The following UNC13C variants were observed in gnomAD, a reference collection of about 807,000 sequenced individuals.
UNC13C encodes the protein unc-13 homolog C.
A neutral mutation model predicts 245.4 loss-of-function variants in UNC13C; 174 were observed. That is an observed-to-expected ratio of 0.71 (90% confidence interval 0.63 to 0.80). UNC13C has a LOEUF of 0.80. Among genes scored for constraint, UNC13C ranks in the 30% least tolerant of loss-of-function variants. The pLI is 0.00. For missense variants in UNC13C, 2,829 were observed against 2,602.9 expected, an observed-to-expected ratio of 1.09 and a Z score of -1.89; for synonymous variants, 992 against 895.1, an observed-to-expected ratio of 1.11 and a Z score of -1.93.
At chr15:54,355,891 C>T (rs970329735) in intron 17 of UNC13C, among the ~76,000 whole-genome samples, 3 of 152,042 alleles carry the variant, frequency 2.0e-5, no homozygotes, top group African/African-American at 4.8e-5. Flanking sequence ...CAAATATGAA[C>T]GTGTCATAGA....
intron 19 of UNC13C, among the ~76,000 whole-genome samples, chr15:54,464,523 T>C (rs1453654389): frequency 6.6e-6 from 1 of 152,170 alleles, no homozygotes; most frequent in Non-Finnish European, 1.5e-5. Flanking sequence ...ATAGACTTTT[T>C]CTTCTAAAGG....
chr15:54,195,951 A>G (rs1042923863), intron 4 of UNC13C, among the ~76,000 whole-genome samples: 8 of 152,080 alleles, frequency 5.3e-5, no homozygotes, highest in African/African-American at 1.9e-4. Flanking sequence ...TTTTACTGAC[A>G]CCTTGAATAT....
chr15:54,257,729 G>T (rs1567139801), intron 8 of UNC13C, among the ~76,000 whole-genome samples: 1 of 152,158 alleles, frequency 6.6e-6, no homozygotes, highest in Non-Finnish European at 1.5e-5. Context: ...TCAGTCCTTT[G>T]TTGTTTGCGA....
At chr15:54,290,810 C>T (rs2037276851) in intron 10 of UNC13C, among the ~76,000 whole-genome samples, 1 of 151,862 alleles carries the variant, frequency 6.6e-6, no homozygotes, top group Non-Finnish European at 1.5e-5. Context: ...AAATGTTTAC[C>T]AATCTTTATT....
chr15:54,295,656 A>T (rs889762500), intron 11 of UNC13C, among the ~76,000 whole-genome samples: 13 of 146,678 alleles, frequency 8.9e-5, no homozygotes, highest in South Asian at 6.5e-4. Flanking sequence ...TTGTAAAAAA[A>T]AAATAAATAC....
At chr15:53,862,491 G>A in the UNC13C span, among the ~76,000 whole-genome samples, 1 of 151,976 alleles carries the variant, frequency 6.6e-6, no homozygotes, top group South Asian at 2.1e-4. Flanking sequence ...GTGTGTTCTG[G>A]TACAAAGTGC....
chr15:53,894,645 T>C, the UNC13C span, among the ~76,000 whole-genome samples: 1 of 152,188 alleles, frequency 6.6e-6, no homozygotes, highest in Non-Finnish European at 1.5e-5. Context: ...CCTGAGTATC[T>C]TGAGACTTCT....
At chr15:54,321,268 C>T in intron 13 of UNC13C, 3 of 478,866 alleles carry the variant, frequency 6.3e-6, no homozygotes, top group Non-Finnish European at 1.2e-5. Context: ...ACTGCCTCAG[C>T]TATGATTTCA....
the UNC13C span, chr15:53,948,730 G>C: frequency 6.6e-6 from 1 of 151,920 alleles, no homozygotes; most frequent in Non-Finnish European, 1.5e-5. Flanking sequence ...CAGAAATGAT[G>C]TGAGAAAGAT....
chr15:54,104,825 G>C lies in UNC13C; in HGVS notation c.2984-38193G>C, dbSNP rs192473028. Among the ~76,000 whole-genome samples the C allele has an allele frequency of 3.8e-4, 58 of 151,840 alleles. No homozygotes were observed. In the East Asian group the frequency reaches 9.9e-3, roughly 26 times the overall value. On this transcript the variant is annotated intron_variant, in intron 2 of 32. Coordinates refer to ENST00000260323, the MANE Select transcript of UNC13C (RefSeq NM_001080534.3). ...CATTGTTTTGTAATCCTTATCTCTT[G>C]GTTCATATTGTAACAATAAGACACT...
chr15:54,250,472 G>A (rs889029219), intron 8 of UNC13C, 28 bp downstream of exon 8: 1 of 1,569,516 alleles, frequency 6.4e-7, no homozygotes, highest in Non-Finnish European at 8.7e-7. Flanking sequence ...CTGAAAAAGT[G>A]GTATGCAGAG....
At chr15:54,573,921 C>A (rs1169421422) in intron 30 of UNC13C, among the ~76,000 whole-genome samples, 1 of 152,108 alleles carries the variant, frequency 6.6e-6, no homozygotes, top group South Asian at 2.1e-4. Context: ...TCTGAGGAGA[C>A]AGAAAAGGCA....
chr15:54,372,891 T>A (rs1324104345), intron 17 of UNC13C, among the ~76,000 whole-genome samples: 1 of 152,192 alleles, frequency 6.6e-6, no homozygotes, highest in Non-Finnish European at 1.5e-5. Context: ...TTAGTCAATT[T>A]AAAAATTTAA....
chr15:54,494,886 G>A (rs950208531), intron 20 of UNC13C, among the ~76,000 whole-genome samples, 152 bp downstream of exon 20: 2 of 151,952 alleles, frequency 1.3e-5, no homozygotes, highest in Admixed American at 1.3e-4. Flanking sequence ...GGATTTGCAT[G>A]TCTTTGGGAA....
At chr15:54,164,903 G>C (rs975892754) in intron 4 of UNC13C, among the ~76,000 whole-genome samples, 1 of 151,936 alleles carries the variant, frequency 6.6e-6, no homozygotes, top group African/African-American at 2.4e-5. Context: ...TTTATCTATA[G>C]GTTTTGATAT....
intron 27 of UNC13C, among the ~76,000 whole-genome samples, chr15:54,548,753 A>C (rs938862187): frequency 2.0e-5 from 3 of 152,188 alleles, no homozygotes; most frequent in African/African-American, 7.2e-5. Flanking sequence ...TCCCTAGGAA[A>C]GCTTACCATC....
At chr15:53,885,354 AC>A in the UNC13C span, among the ~76,000 whole-genome samples, 6 of 152,220 alleles carry the variant, frequency 3.9e-5, no homozygotes, top group African/African-American at 1.2e-4. Context: ...TAGACAGGCC[AC>A]TGTCTACAGG....
At chr15:54,058,277 G>A (rs765718177) in intron 2 of UNC13C, among the ~76,000 whole-genome samples, 1 of 152,056 alleles carries the variant, frequency 6.6e-6, no homozygotes, top group Non-Finnish European at 1.5e-5. Flanking sequence ...TGACAAAGGG[G>A]ATGTCACCAC....
At chr15:54,548,212 T>G (rs866571433) in intron 27 of UNC13C, among the ~76,000 whole-genome samples, 1,696 of 77,278 alleles carry the variant, frequency 0.022, 27 homozygotes, top group South Asian at 0.079. Context: ...CTTTTGCTTT[T>G]TTTTTTTTTT....
Sources: allele counts gnomAD v4.1 joint callset (sites outside exome capture counted in the v4.1 genomes callset), GRCh38; gene constraint gnomAD v4.1.1; transcripts MANE v1.5; gene names NCBI Gene and HGNC (gene_info 2026-07-23, HGNC 2026-07-21).